Variants in PIK3C2A observed in about 807,000 individuals in gnomAD.
PIK3C2A encodes phosphatidylinositol 4-phosphate 3-kinase C2 domain-containing subunit alpha.
PIK3C2A carries 97 observed loss-of-function variants against 204.5 expected under a neutral mutation model. The ratio of observed to expected loss-of-function variants is 0.47; its 90% CI spans 0.40 to 0.56. The LOEUF (loss-of-function observed/expected upper bound fraction) is 0.56. PIK3C2A is among the 20% of genes least tolerant of loss of function. The pLI is 0.00. For synonymous variants in PIK3C2A, 653 were observed against 664.4 expected, an observed-to-expected ratio of 0.98 and a Z score of 0.26; for missense variants, 1,735 against 1,969.2, an observed-to-expected ratio of 0.88 and a Z score of 2.25.
chr11:17,200,129 T>C (rs756899545), intron 1 of PIK3C2A, among the ~76,000 whole-genome samples: 78 of 151,562 alleles, frequency 5.1e-4, no homozygotes, highest in Non-Finnish European at 1.0e-3. Context: ...GAAGTTGCAG[T>C]GAGCTGAGAT....
chr11:17,093,159 A>C (rs1028091064), intron 28 of PIK3C2A, among the ~76,000 whole-genome samples: 12 of 152,072 alleles, frequency 7.9e-5, no homozygotes, highest in Non-Finnish European at 1.3e-4. Context: ...ATATGAAAAA[A>C]CTCGACACAG....
chr11:17,138,742 A>C (rs1470474529), intron 8 of PIK3C2A, among the ~76,000 whole-genome samples: 1 of 152,182 alleles, frequency 6.6e-6, no homozygotes, highest in Non-Finnish European at 1.5e-5. Context: ...CACAGACACA[A>C]ACAATACATA....
intron 1 of PIK3C2A, among the ~76,000 whole-genome samples, chr11:17,179,268 C>A (rs1565295417): frequency 6.6e-6 from 1 of 152,050 alleles, no homozygotes; most frequent in South Asian, 2.1e-4. Flanking sequence ...CTCAAGCAAT[C>A]CTTTTGCCTT....
chr11:17,104,317 T>C (rs1263752727), intron 23 of PIK3C2A, among the ~76,000 whole-genome samples: 3 of 152,202 alleles, frequency 2.0e-5, no homozygotes, highest in South Asian at 2.1e-4. Context: ...ATATATTAAA[T>C]CATTTAATTT....
rs1230390256 is a variant in PIK3C2A, at chr11:17,112,637, G to A, written c.3351C>T (p.Val1117=). 2 of 1,544,102 alleles carry A rather than the reference G, an allele frequency of 1.3e-6. No individual in the cohort carries two copies. The highest frequency in any genetic ancestry group is 2.4e-5 in the East Asian group (1 of 41,936). The change falls in exon 21 of 33, where the codon GTC becomes GTT. Residue 1117 remains valine (V), a synonymous_variant. Transcript: ENST00000691414. ...CATTCACCATTGTGACTTTTAGGGG[G>A]ACAGCATTAGAACTGAAGAAGGAAC... ...KSCSFFSSNA[V]PLKVTMVNAD... is the part of the protein sequence containing the mutation.
chr11:17,185,453 CAT>C (rs1490915792), intron 1 of PIK3C2A, among the ~76,000 whole-genome samples: 2 of 152,140 alleles, frequency 1.3e-5, no homozygotes, highest in Non-Finnish European at 2.9e-5. Context: ...TTAAGCAACA[CAT>C]GACTGTACAC....
intron 2 of PIK3C2A, among the ~76,000 whole-genome samples, chr11:17,166,020 C>T (rs898781828): frequency 6.6e-6 from 1 of 152,118 alleles, no homozygotes; most frequent in African/African-American, 2.4e-5. Flanking sequence ...GCCCTCCAAA[C>T]CCCAATACCT....
rs139422463 is a variant in PIK3C2A at position 17,169,481 on chromosome 11, T to C, written c.261A>G (p.Ala87=). 175 of 1,614,062 alleles carry C rather than the reference T, an allele frequency of 1.1e-4. 2 individuals are homozygous for C. The highest frequency in any genetic ancestry group is 6.5e-4 in the African/African-American group (49 of 75,036). The change falls in exon 2 of 33, where the codon GCA becomes GCG. Residue 87 remains alanine (A), a synonymous_variant. Coordinates refer to ENST00000691414, the MANE Select transcript of PIK3C2A (RefSeq NM_002645.4). Reference sequence around the variant, plus strand: ...TGAGCTTTTCTACATCAATATCTAATGCTCTTTTTTGGGAATCTGATTCAG... The same window carrying C: ...TGAGCTTTTCTACATCAATATCTAACGCTCTTTTTTGGGAATCTGATTCAG... The part of the protein sequence containing the change: ...VFPESDSQKR[A]LDIDVEKLTQ...
chr11:17,195,752 A>C (rs2137566547), intron 1 of PIK3C2A, among the ~76,000 whole-genome samples: 1 of 149,950 alleles, frequency 6.7e-6, no homozygotes, highest in Non-Finnish European at 1.5e-5. Flanking sequence ...CAAAAAAAAA[A>C]AAAGGAGCCC....
At chr11:17,180,358 ACT>A (rs1851496280) in intron 1 of PIK3C2A, among the ~76,000 whole-genome samples, 1 of 152,074 alleles carries the variant, frequency 6.6e-6, no homozygotes, top group Admixed American at 6.6e-5. Flanking sequence ...ACAGAGCCAG[ACT>A]CTCTGTCAAA....
rs565072748 is a variant in PIK3C2A, at chr11:17,110,565, G to C, written c.3415-4C>G. ...CTTGCCGAAGATCTTCACCAACCTT[G>C]AAATCAAGGAAACAAAATGAAACTT... On this transcript the variant is annotated splice_region_variant and splice_polypyrimidine_tract_variant and intron_variant, in intron 21 of 32. Coordinates refer to ENST00000691414, the MANE Select transcript of PIK3C2A (RefSeq NM_002645.4). 1.2e-6 allele frequency: 2 copies of C among 1,603,376 alleles called. No homozygotes were observed. Among genetic ancestry groups the C allele is most frequent in the African/African-American group, 2.7e-5 (2 of 74,520 alleles).
intron 9 of PIK3C2A, among the ~76,000 whole-genome samples, chr11:17,135,810 T>C (rs1431356097): frequency 6.6e-6 from 1 of 152,096 alleles, no homozygotes; most frequent in East Asian, 1.9e-4. Flanking sequence ...TGAGAATGCA[T>C]GGACTATGTT....
intron 13 of PIK3C2A, 86 bp from the exon 14 acceptor site, chr11:17,122,899 AG>A: frequency 1.6e-6 from 1 of 628,562 alleles, no homozygotes; most frequent in Non-Finnish European, 2.8e-6. Flanking sequence ...TTGAAAAGTT[AG>A]TATGAGATCA....
chr11:17,094,854 T>C (rs1368362425), intron 27 of PIK3C2A, among the ~76,000 whole-genome samples: 1 of 152,242 alleles, frequency 6.6e-6, no homozygotes, highest in Non-Finnish European at 1.5e-5. Flanking sequence ...GTAATATATA[T>C]GTCACCAATA....
intron 4 of PIK3C2A, 127 bp from the exon 5 acceptor site, chr11:17,148,914 A>G (rs1255194945): frequency 1.6e-6 from 1 of 609,658 alleles, no homozygotes; most frequent in Non-Finnish European, 2.5e-6. Context: ...GGCCACATAT[A>G]TAATTTTAAA....
Position 17,134,822 on chromosome 11 carries a change from G to C in PIK3C2A, c.2105C>G (p.Ser702Ter), listed in dbSNP as rs1440351705. Reference protein sequence around the residue: ...AAHGISSNWVSNYEKYYLICS... With the variant: ...AAHGISSNWV The stretch of plus-strand genomic sequence containing the variant: ...GGCTGCTTAAACAGTTACTTACTTT[G>C]ATACCCAATTACTTGAAATTCCATG... The change falls in exon 11 of 33, where the codon TCA becomes TGA. Residue 702 changes from serine to a stop codon, truncating the protein, a stop_gained. Coordinates refer to ENST00000691414, the MANE Select transcript of PIK3C2A (RefSeq NM_002645.4). LOFTEE classifies it high-confidence loss of function. 6.2e-7 allele frequency: 1 copy of C among 1,610,090 alleles called. No homozygotes were observed. Among genetic ancestry groups the C allele is most frequent in the Non-Finnish European group, 8.5e-7 (1 of 1,176,440 alleles).
intron 1 of PIK3C2A, among the ~76,000 whole-genome samples, chr11:17,196,502 GAC>G (rs1286860188): frequency 6.6e-6 from 1 of 152,172 alleles, no homozygotes; most frequent in Non-Finnish European, 1.5e-5. Context: ...GGTACATACA[GAC>G]AGTAAATGAA....
chr11:17,201,210 A>G (rs1852360716), intron 1 of PIK3C2A, among the ~76,000 whole-genome samples: 1 of 151,268 alleles, frequency 6.6e-6, no homozygotes, highest in South Asian at 2.1e-4. Context: ...TATCTAAAAA[A>G]TAAAAATAAA....
At chr11:17,201,209 A>T (rs1319995307) in intron 1 of PIK3C2A, among the ~76,000 whole-genome samples, 1 of 150,884 alleles carries the variant, frequency 6.6e-6, no homozygotes, top group African/African-American at 2.4e-5. Flanking sequence ...CTATCTAAAA[A>T]ATAAAAATAA....
Sources: gnomAD v4.1 joint callset for allele counts (sites outside exome capture counted in the v4.1 genomes callset) on GRCh38, gnomAD v4.1.1 for gene constraint, MANE v1.5 for transcripts, NCBI Gene and HGNC (gene_info 2026-07-23, HGNC 2026-07-21) for gene names.